Variants in FRMD4B observed in about 807,000 individuals in gnomAD.
FRMD4B encodes FERM domain containing 4B, also known as FERM domain-containing protein 4B.
In FRMD4B, 74 loss-of-function variants were observed where a neutral mutation model predicts 141.5. The observed-to-expected ratio is 0.52, with a 90% CI of 0.43 to 0.63. FRMD4B has a LOEUF of 0.63. Ranked by LOEUF, FRMD4B falls within the 30% of genes least tolerant of loss-of-function variation. FRMD4B has a pLI of 0.00. For missense variants in FRMD4B, 1,366 were observed against 1,253.4 expected (o/e 1.09, Z -1.36); for synonymous variants, 506 against 467.9 (o/e 1.08, Z -1.05).
upstream of FRMD4B, among the ~76,000 whole-genome samples, chr3:69,387,093 T>C (rs1001291457): frequency 2.6e-5 from 4 of 152,108 alleles, no homozygotes; most frequent in Admixed American, 1.3e-4. Context: ...TGGAAACATT[T>C]GGAAAAGGGA....
chr3:69,233,465 A>T (rs1280002440), intron 7 of FRMD4B, among the ~76,000 whole-genome samples: 1 of 151,162 alleles, frequency 6.6e-6, no homozygotes, highest in Non-Finnish European at 1.5e-5. Flanking sequence ...CCTGGGTGAC[A>T]GAGTGAGACC....
chr3:69,441,442 T>A (rs548643336), intron 1 of FRMD4B, among the ~76,000 whole-genome samples: 2 of 152,324 alleles, frequency 1.3e-5, no homozygotes, highest in South Asian at 4.1e-4. Flanking sequence ...TCGGTTCAGA[T>A]GTCTTCTCTC....
chr3:69,291,046 A>G (rs1001378075), intron 4 of FRMD4B, among the ~76,000 whole-genome samples: 6 of 152,228 alleles, frequency 3.9e-5, no homozygotes, highest in South Asian at 2.1e-4. Context: ...TATTGCTTCA[A>G]TAAGCAAAAC....
intron 1 of FRMD4B, among the ~76,000 whole-genome samples, chr3:69,343,610 C>T (rs1455180427): frequency 1.6e-5 from 2 of 123,766 alleles, no homozygotes; most frequent in East Asian, 2.2e-4. Context: ...GACGGGGTCT[C>T]GCTCTGTCAC....
intron 1 of FRMD4B, among the ~76,000 whole-genome samples, chr3:69,439,649 T>C (rs1705314316): frequency 6.6e-6 from 1 of 152,218 alleles, no homozygotes; most frequent in Non-Finnish European, 1.5e-5. Flanking sequence ...AGAATCTGTG[T>C]GTTTAGAAGT....
chr3:69,229,080 C>T (rs1308595380), intron 7 of FRMD4B, among the ~76,000 whole-genome samples: 1 of 142,754 alleles, frequency 7.0e-6, no homozygotes, highest in Non-Finnish European at 1.5e-5. Context: ...GGCTGGAGTG[C>T]AGTGGCTCAA....
rs551599147 is a variant in FRMD4B, at chr3:69,208,538, G to A, written c.876+7725C>T. 5.1e-4 allele frequency among the ~76,000 whole-genome samples: 74 copies of A among 146,528 alleles called. No homozygotes were observed. In the South Asian group the frequency reaches 0.013, roughly 26 times the overall value. ...TAACATGCCTATCTCCTTCCCATCG[G>A]CATACCCTGTTCTTTGATGAGAACA... is the stretch of plus-strand genomic sequence containing the variant. On this transcript the variant is annotated intron_variant, in intron 11 of 22. Transcript: ENST00000398540.
At chr3:69,405,002 C>T (rs1671328996) in intron 2 of FRMD4B, among the ~76,000 whole-genome samples, 1 of 152,138 alleles carries the variant, frequency 6.6e-6, no homozygotes, top group African/African-American at 2.4e-5. Context: ...GCCAACTATA[C>T]AGGGGCTATA....
intron 1 of FRMD4B, among the ~76,000 whole-genome samples, chr3:69,477,422 G>A (rs1706021793): frequency 1.3e-5 from 2 of 150,458 alleles, no homozygotes; most frequent in Admixed American, 1.3e-4. Flanking sequence ...AAGGGTTGTT[G>A]AATTTTGTCA....
At chr3:69,477,462 C>T (rs143762985) in intron 1 of FRMD4B, among the ~76,000 whole-genome samples, 10,228 of 151,386 alleles carry the variant, frequency 0.068, 484 homozygotes, top group East Asian at 0.19. Context: ...TTGAGATAAG[C>T]ATGTGGTTTT....
intron 7 of FRMD4B, among the ~76,000 whole-genome samples, chr3:69,239,195 T>C (rs1442429144): frequency 1.3e-5 from 2 of 152,186 alleles, no homozygotes; most frequent in African/African-American, 4.8e-5. Context: ...TCCAACATCA[T>C]GACTGATCCA....
chr3:69,261,410 T>G (rs1292703657), intron 5 of FRMD4B, among the ~76,000 whole-genome samples: 1 of 152,234 alleles, frequency 6.6e-6, no homozygotes, highest in Admixed American at 6.5e-5. Flanking sequence ...GGATTATGAC[T>G]GCTTTTAGTG....
At chr3:69,386,629 CG>C (rs1413130874), upstream of FRMD4B, among the ~76,000 whole-genome samples, 2 of 152,132 alleles carry the variant, frequency 1.3e-5, no homozygotes, top group Non-Finnish European at 1.5e-5. Flanking sequence ...GGAATAGCCA[CG>C]AATGTTTCCT....
At chr3:69,198,380 C>G (rs1325794289) in intron 12 of FRMD4B, 1 of 250,348 alleles carries the variant, frequency 4.0e-6, no homozygotes, top group Non-Finnish European at 7.7e-6. Context: ...CAAGAAGGTA[C>G]CACTTCAACC....
At chr3:69,240,256 T>TG (rs1377092400) in intron 7 of FRMD4B, among the ~76,000 whole-genome samples, 1 of 150,550 alleles carries the variant, frequency 6.6e-6, no homozygotes, top group African/African-American at 2.4e-5. Context: ...CCGAGGAGGG[T>TG]GGAACCCAAG....
Position 69,169,353 on chromosome 3 carries a change from C to CTTCCTTTT in FRMD4B, c.*2507_*2508insAAAAGGAA, listed in dbSNP as rs1553691418. 2.0e-4 allele frequency among the ~76,000 whole-genome samples: 6 copies of CTTCCTTTT among 29,286 alleles called. No individual in the cohort carries two copies. The highest frequency in any genetic ancestry group is 1.9e-4 in the African/African-American group (3 of 15,666). 19.2% of individuals were successfully genotyped at this position (29,286 alleles called of 152,430 possible). A position where few individuals can be genotyped will look rare whatever the true frequency, so the allele number is the denominator to read the frequency against. ...AGGATTGCTGAACTTCCATTTCTTT[C>CTTCCTTTT]TTTTTTTTTTTTTTTTTTTTTTCTT... is the stretch of plus-strand genomic sequence containing the variant. On this transcript the variant is annotated 3_prime_UTR_variant, in exon 23 of 23. Coordinates refer to ENST00000398540, the MANE Select transcript of FRMD4B (RefSeq NM_015123.3).
intron 1 of FRMD4B, among the ~76,000 whole-genome samples, chr3:69,457,062 T>C (rs1045343762): frequency 3.3e-5 from 5 of 152,052 alleles, no homozygotes; most frequent in African/African-American, 1.2e-4. Flanking sequence ...GTGTGTATAT[T>C]TAACAATGAA....
intron 1 of FRMD4B, among the ~76,000 whole-genome samples, chr3:69,351,398 T>A (rs1019696068): frequency 7.9e-5 from 12 of 152,112 alleles, no homozygotes; most frequent in African/African-American, 2.9e-4. Context: ...TATTTTCAGG[T>A]TGCCAAAATA....
chr3:69,235,070 A>C (rs894627614), intron 7 of FRMD4B, among the ~76,000 whole-genome samples: 8 of 151,430 alleles, frequency 5.3e-5, no homozygotes, highest in African/African-American at 1.9e-4. Context: ...GAATTGCTTG[A>C]ACCCAGGAGG....
Sources: gnomAD v4.1 joint callset for allele counts (sites outside exome capture counted in the v4.1 genomes callset) on GRCh38, gnomAD v4.1.1 for gene constraint, MANE v1.5 for transcripts, NCBI Gene and HGNC (gene_info 2026-07-23, HGNC 2026-07-21) for gene names.